MAST4: variants seen among roughly 807,000 people sequenced by gnomAD.
MAST4 encodes the protein microtubule associated serine/threonine kinase family member 4.
MAST4 carries 89 observed loss-of-function variants against 162.7 expected under a neutral mutation model. That is an observed-to-expected ratio of 0.55 (90% confidence interval 0.46 to 0.65). The LOEUF (loss-of-function observed/expected upper bound fraction) is 0.65, where lower values mean the gene tolerates loss of function less well. Ranked by LOEUF, MAST4 falls within the 30% of genes least tolerant of loss-of-function variation. The probability of loss-of-function intolerance (pLI) is 0.00; values close to 1 mark genes in which losing one functional copy is unlikely to be tolerated. For synonymous variants in MAST4, 1,479 were observed against 1,361.1 expected (o/e 1.09, Z -1.91); for missense variants, 3,153 against 3,374.0 (o/e 0.93, Z 1.62).
At chr5:66,912,301 G>A (rs982264218) in intron 4 of MAST4, among the ~76,000 whole-genome samples, 2 of 152,260 alleles carry the variant, frequency 1.3e-5, no homozygotes, top group South Asian at 2.1e-4. Context: ...TTTGCATGGG[G>A]CACATGAGTG....
chr5:67,106,685 A>G (rs1310840683), intron 10 of MAST4, among the ~76,000 whole-genome samples: 4 of 152,146 alleles, frequency 2.6e-5, no homozygotes, highest in Admixed American at 6.5e-5. Context: ...TATTGGCTCT[A>G]TCTTGCCCAT....
At chr5:66,695,501 C>CT (rs1273035241) in intron 1 of MAST4, among the ~76,000 whole-genome samples, 1 of 151,962 alleles carries the variant, frequency 6.6e-6, no homozygotes. Context: ...TATATGGGCT[C>CT]TTTTTTGGTT....
chr5:66,630,649 A>G (rs540896637), intron 1 of MAST4, among the ~76,000 whole-genome samples: 2 of 152,208 alleles, frequency 1.3e-5, no homozygotes, highest in Non-Finnish European at 2.9e-5. Context: ...GGCAAATCTC[A>G]TTAACTGGTT....
rs114126594 is a variant in MAST4, at chr5:66,750,126, T to C, written c.364-9583T>C. Among the ~76,000 whole-genome samples, 1,046 of 152,312 alleles carry C rather than the reference T, an allele frequency of 6.9e-3. 12 individuals carry two copies. Among genetic ancestry groups the C allele is most frequent in the African/African-American group, 0.023 (969 of 41,552 alleles). ...AACTGAACAATGTCTTCATAATCTA[T>C]GTTATGAATCAGTCTCTTCTCTTTT... On this transcript the variant is annotated intron_variant, in intron 1 of 28. Coordinates refer to ENST00000403625, the MANE Select transcript of MAST4 (RefSeq NM_001164664.2).
At chr5:66,845,126 T>TATATATATATATATACATACAC (rs1358855625) in intron 3 of MAST4, among the ~76,000 whole-genome samples, 5 of 67,176 alleles carry the variant, frequency 7.4e-5, no homozygotes, top group African/African-American at 2.8e-4. Flanking sequence ...TATATATATA[T>TATATATATATATATACATACAC]ACACACACAC....
intron 1 of MAST4, among the ~76,000 whole-genome samples, chr5:66,722,523 CCT>C (rs1387749858): frequency 5.3e-5 from 8 of 151,458 alleles, no homozygotes; most frequent in Non-Finnish European, 1.2e-4. Flanking sequence ...TTATTGTCCA[CCT>C]CTCTCATCAG....
intron 3 of MAST4, among the ~76,000 whole-genome samples, chr5:66,819,004 G>A (rs1257279039): frequency 6.6e-6 from 1 of 152,190 alleles, no homozygotes; most frequent in African/African-American, 2.4e-5. Flanking sequence ...GTTAAGGGAT[G>A]CTAGAAGACG....
Position 67,168,502 on chromosome 5 carries a change from AT to A in MAST4, c.*1454del, listed in dbSNP as rs1257951801. ...ATCATTTTAGTGCTGAAGGTTTTTG[AT>A]TTCTTGTTTTTGTTTCTGTTGTTGC... On this transcript the variant is annotated 3_prime_UTR_variant, in exon 29 of 29. Coordinates refer to ENST00000403625, the MANE Select transcript of MAST4 (RefSeq NM_001164664.2). The A allele has an allele frequency of 6.6e-6, 1 of 151,886 alleles. No homozygotes were observed. The highest frequency in any genetic ancestry group is 2.4e-5 in the African/African-American group (1 of 41,334). The allele number at this position is 151,886 out of a possible 1,614,324, so 9.4% of individuals were successfully genotyped here. A position where few individuals can be genotyped will look rare whatever the true frequency, so the allele number is the denominator to read the frequency against.
intron 4 of MAST4, among the ~76,000 whole-genome samples, chr5:66,959,931 A>G (rs957142214): frequency 3.3e-5 from 5 of 152,116 alleles, no homozygotes; most frequent in African/African-American, 1.2e-4. Context: ...ACATGTCCAC[A>G]TCTAATTTGT....
At chr5:66,964,201 A>G (rs890302063) in intron 4 of MAST4, 4 of 374,370 alleles carry the variant, frequency 1.1e-5, no homozygotes, top group East Asian at 7.3e-5. Flanking sequence ...TAAATTGTCT[A>G]AAGTGTTAAT....
intron 2 of MAST4, among the ~76,000 whole-genome samples, chr5:66,761,701 C>G (rs1484672581): frequency 6.6e-6 from 1 of 152,030 alleles, no homozygotes; most frequent in Non-Finnish European, 1.5e-5. Flanking sequence ...AAAGGCCAAA[C>G]TACCTCAGGC....
At chr5:66,964,378 A>G (rs1227181839) in intron 4 of MAST4, among the ~76,000 whole-genome samples, 2 of 152,222 alleles carry the variant, frequency 1.3e-5, no homozygotes, top group Non-Finnish European at 2.9e-5. Context: ...CTGCTACTAT[A>G]GTATCTATGG....
In MAST4 at chr5:67,082,141, T is replaced by C. The variant is rs116396064; in HGVS notation, c.764-8021T>C. 9.1e-3 allele frequency among the ~76,000 whole-genome samples: 1,361 copies of C among 148,798 alleles called. 21 individuals are homozygous for C. Among genetic ancestry groups the C allele is most frequent in the African/African-American group, 0.031 (1,222 of 39,616 alleles). ...AGGGACATTCTGCAAAACAACTACC[T>C]GTAATCTTTTTTTTTTTTTTTTTTT... On this transcript the variant is annotated intron_variant, in intron 5 of 28. Coordinates refer to ENST00000403625, the MANE Select transcript of MAST4 (RefSeq NM_001164664.2).
intron 6 of MAST4, among the ~76,000 whole-genome samples, chr5:67,092,309 G>C (rs545435649): frequency 6.6e-6 from 1 of 152,282 alleles, no homozygotes; most frequent in South Asian, 2.1e-4. Flanking sequence ...TACTTCCCTA[G>C]TAGCCATCCC....
At chr5:66,944,368 C>T (rs1743733527) in intron 4 of MAST4, among the ~76,000 whole-genome samples, 2 of 151,990 alleles carry the variant, frequency 1.3e-5, no homozygotes, top group African/African-American at 4.8e-5. Flanking sequence ...TTAGATGATA[C>T]CCTTGCTTTC....
At chr5:66,844,738 G>A (rs774347187) in intron 3 of MAST4, among the ~76,000 whole-genome samples, 1 of 152,086 alleles carries the variant, frequency 6.6e-6, no homozygotes, top group South Asian at 2.1e-4. Flanking sequence ...ATAAGTAGAT[G>A]AGTATAAAGA....
chr5:66,657,504 C>T (rs1746629644), intron 1 of MAST4, among the ~76,000 whole-genome samples: 1 of 152,150 alleles, frequency 6.6e-6, no homozygotes, highest in Non-Finnish European at 1.5e-5. Flanking sequence ...TTCTATCCAC[C>T]TCCTCCATTC....
intron 2 of MAST4, chr5:66,783,233 TCTGCTCACTTTA>T: frequency 6.6e-6 from 1 of 152,260 alleles, no homozygotes; most frequent in East Asian, 1.9e-4. Flanking sequence ...AAATTTTATT[TCTGCTCACTTTA>T]TAATTTAATG....
At chr5:66,687,314 A>G (rs1175155592) in intron 1 of MAST4, among the ~76,000 whole-genome samples, 1 of 152,136 alleles carries the variant, frequency 6.6e-6, no homozygotes, top group African/African-American at 2.4e-5. Context: ...TCCCACTTAC[A>G]AATGAGAACA....
Sources: gnomAD v4.1 joint callset for allele counts (sites outside exome capture counted in the v4.1 genomes callset) on GRCh38, gnomAD v4.1.1 for gene constraint, MANE v1.5 for transcripts, NCBI Gene and HGNC (gene_info 2026-07-23, HGNC 2026-07-21) for gene names.